Variants in GRM7 observed in about 807,000 individuals in gnomAD.
GRM7 encodes the protein metabotropic glutamate receptor 7.
Under a neutral mutation model 84.5 loss-of-function variants are expected in GRM7, and 35 were observed. The ratio of observed to expected loss-of-function variants is 0.41; its 90% CI spans 0.32 to 0.55. The LOEUF (loss-of-function observed/expected upper bound fraction) is 0.55, where lower values mean the gene tolerates loss of function less well. Among genes scored for constraint, GRM7 ranks in the 20% least tolerant of loss-of-function variants. The probability of loss-of-function intolerance (pLI) is 0.19; values close to 1 mark genes in which losing one functional copy is unlikely to be tolerated. For synonymous variants in GRM7, 487 were observed against 455.1 expected, an observed-to-expected ratio of 1.07 and a Z score of -0.89; for missense variants, 1,003 against 1,194.6, an observed-to-expected ratio of 0.84 and a Z score of 2.36.
intron 1 of GRM7, among the ~76,000 whole-genome samples, chr3:7,040,743 C>G (rs1466332658): frequency 2.6e-5 from 4 of 151,864 alleles, no homozygotes; most frequent in Non-Finnish European, 5.9e-5. Flanking sequence ...AATGTAGATC[C>G]TTAGGTGCCA....
chr3:7,156,519 G>T (rs990776142), intron 2 of GRM7, among the ~76,000 whole-genome samples: 5 of 152,124 alleles, frequency 3.3e-5, no homozygotes, highest in African/African-American at 1.2e-4. Context: ...ACCGGCTTTT[G>T]ACTGATAATT....
intron 1 of GRM7, among the ~76,000 whole-genome samples, chr3:7,085,358 T>C (rs1278515894): frequency 6.6e-6 from 1 of 152,212 alleles, no homozygotes; most frequent in Non-Finnish European, 1.5e-5. Flanking sequence ...CAAAATGTTC[T>C]TTATTTTTCA....
chr3:7,675,580 A>G (rs548130254), intron 8 of GRM7, among the ~76,000 whole-genome samples: 3 of 152,356 alleles, frequency 2.0e-5, no homozygotes, highest in Admixed American at 6.5e-5. Flanking sequence ...AGAAAATGGC[A>G]TGGAGCATGT....
chr3:6,889,338 C>T (rs989436626), intron 1 of GRM7, among the ~76,000 whole-genome samples: 18 of 152,052 alleles, frequency 1.2e-4, no homozygotes, highest in Admixed American at 4.6e-4. Context: ...TTCCAGTTTT[C>T]GTCCATTCAG....
chr3:7,130,039 T>C (rs1017211387), intron 1 of GRM7, among the ~76,000 whole-genome samples: 1 of 152,140 alleles, frequency 6.6e-6, no homozygotes, highest in Non-Finnish European at 1.5e-5. Context: ...TCTATGGCCA[T>C]GTGGCTTTTG....
At chr3:7,280,062 G>C (rs1157493452) in intron 2 of GRM7, among the ~76,000 whole-genome samples, 1 of 152,054 alleles carries the variant, frequency 6.6e-6, no homozygotes, top group Non-Finnish European at 1.5e-5. Flanking sequence ...TCAGAAACAG[G>C]CATATTTGCT....
At chr3:7,498,118 G>A (rs1699765732) in intron 7 of GRM7, among the ~76,000 whole-genome samples, 1 of 152,104 alleles carries the variant, frequency 6.6e-6, no homozygotes, top group South Asian at 2.1e-4. Context: ...TAGCCTGTTG[G>A]GGTTCTATAG....
chr3:7,382,566 C>T (rs1018375323), intron 4 of GRM7, among the ~76,000 whole-genome samples: 3 of 152,090 alleles, frequency 2.0e-5, no homozygotes, highest in Non-Finnish European at 4.4e-5. Flanking sequence ...TTTGTTCCCT[C>T]ATGTTTGAGT....
rs748409723 is a variant in GRM7 at position 7,452,743 on chromosome 3, C to T, written c.1311C>T (p.Cys437=). 3 of 1,613,250 alleles carry T rather than the reference C, an allele frequency of 1.9e-6. No homozygotes were observed. In the Admixed American group the frequency reaches 5.0e-5, roughly 27 times the overall value. ...TCTGTGCTGACTACCGGGGTGTCTG[C>T]CCAGAGATGGAGCAAGCTGGAGGCA... ...KDLCADYRGV[C]PEMEQAGGKK... is the part of the protein sequence containing the mutation. Residue 437 remains cysteine (C), a synonymous_variant, in exon 6 of 10, where the codon TGC becomes TGT. Transcript: ENST00000357716.
chr3:7,435,851 C>CTTTTT (rs34860272), intron 5 of GRM7, among the ~76,000 whole-genome samples: 7 of 89,246 alleles, frequency 7.8e-5, no homozygotes, highest in African/African-American at 1.3e-4. Context: ...CCACACCCAT[C>CTTTTT]TTTTTTTTTT....
At chr3:7,200,615 G>C (rs1696033486) in intron 2 of GRM7, among the ~76,000 whole-genome samples, 1 of 152,168 alleles carries the variant, frequency 6.6e-6, no homozygotes, top group South Asian at 2.1e-4. Context: ...GAAAGGAACA[G>C]ACTGCTGCAC....
chr3:7,463,668 A>G (rs567034681), intron 7 of GRM7, among the ~76,000 whole-genome samples: 8 of 152,300 alleles, frequency 5.3e-5, no homozygotes, highest in African/African-American at 1.9e-4. Flanking sequence ...GACCTACTAC[A>G]AGAGAAGCCA....
At chr3:7,350,500 T>C in intron 4 of GRM7, among the ~76,000 whole-genome samples, 1 of 152,108 alleles carries the variant, frequency 6.6e-6, no homozygotes. Context: ...TGATTGCAAG[T>C]TTCCTGAGTC....
intron 8 of GRM7, among the ~76,000 whole-genome samples, chr3:7,585,969 T>C (rs1695501217): frequency 6.6e-6 from 1 of 152,184 alleles, no homozygotes; most frequent in South Asian, 2.1e-4. Flanking sequence ...CTTCTTCTGG[T>C]CCTAGAAGCT....
Position 7,652,898 on chromosome 3 carries a change from T to C in GRM7, c.2452-27151T>C, listed in dbSNP as rs191596209. On this transcript the variant is annotated intron_variant, in intron 8 of 9. Coordinates refer to ENST00000357716, the MANE Select transcript of GRM7 (RefSeq NM_000844.4). ...TAAGTATGTAGCATTTATGATCCCA[T>C]TTCATCCTCACCACAGGACAATGGA... Among the ~76,000 whole-genome samples the C allele has an allele frequency of 2.0e-5, 3 of 152,276 alleles. No individual in the cohort carries two copies. The East Asian group carries it at 5.8e-4, about 29-fold the overall frequency.
intron 1 of GRM7, among the ~76,000 whole-genome samples, chr3:7,024,018 C>T (rs947395024): frequency 2.6e-5 from 4 of 152,082 alleles, no homozygotes; most frequent in Admixed American, 6.5e-5. Flanking sequence ...ATGGAAGAGG[C>T]GCAAACCAGG....
At chr3:7,192,860 C>A (rs906788870) in intron 2 of GRM7, among the ~76,000 whole-genome samples, 3 of 152,088 alleles carry the variant, frequency 2.0e-5, no homozygotes, top group African/African-American at 7.2e-5. Context: ...TGCCTCTAAC[C>A]CTGCAATGAG....
At chr3:7,419,141 C>A (rs1038619849) in intron 5 of GRM7, among the ~76,000 whole-genome samples, 6 of 151,982 alleles carry the variant, frequency 3.9e-5, no homozygotes, top group African/African-American at 1.5e-4. Context: ...AATCAGAAAA[C>A]AAGTACGTAA....
At chr3:7,578,118 C>T (rs1435194613) in intron 7 of GRM7, among the ~76,000 whole-genome samples, 1 of 152,080 alleles carries the variant, frequency 6.6e-6, no homozygotes, top group African/African-American at 2.4e-5. Flanking sequence ...ATAAATACAG[C>T]CCCTAAGGTT....
Sources: gnomAD v4.1 joint callset for allele counts (sites outside exome capture counted in the v4.1 genomes callset) on GRCh38, gnomAD v4.1.1 for gene constraint, MANE v1.5 for transcripts, NCBI Gene and HGNC (gene_info 2026-07-23, HGNC 2026-07-21) for gene names.